The following NLRC4 variants were observed in gnomAD, a reference collection of about 807,000 sequenced individuals.
NLRC4 encodes the protein NLR family CARD domain containing 4.
Under a neutral mutation model 79.9 loss-of-function variants are expected in NLRC4, and 63 were observed. The ratio of observed to expected loss-of-function variants is 0.79; its 90% CI spans 0.64 to 0.97. The LOEUF (loss-of-function observed/expected upper bound fraction) is 0.97, where lower values mean the gene tolerates loss of function less well. NLRC4 is among the 50% of genes least tolerant of loss of function. The pLI, the probability that NLRC4 is intolerant of heterozygous loss-of-function variation, is 0.00. For synonymous variants in NLRC4, 461 were observed against 456.5 expected (o/e 1.01, Z -0.12); for missense variants, 1,074 against 1,215.2 (o/e 0.88, Z 1.73).
intron 8 of NLRC4, among the ~76,000 whole-genome samples, chr2:32,230,066 A>G (rs1686494230): frequency 6.6e-6 from 1 of 152,154 alleles, no homozygotes; most frequent in African/African-American, 2.4e-5. Context: ...AACAAGAGGC[A>G]CAGTCAATAA....
intron 2 of NLRC4, among the ~76,000 whole-genome samples, chr2:32,256,443 A>G (rs1471350517): frequency 6.6e-6 from 1 of 152,078 alleles, no homozygotes; most frequent in Admixed American, 6.6e-5. Flanking sequence ...AAGGAGCTAC[A>G]TTTTGGTTGC....
rs566871547 is a variant in NLRC4 at position 32,254,918 on chromosome 2, G to A, written c.1+1857C>T. The stretch of plus-strand genomic sequence containing the variant: ...CAGGCATGAGCCACCGCACCTGGCC[G>A]CTCCTGGCTTTCAAACCTGTGTTGA... On this transcript the variant is annotated intron_variant, in intron 2 of 8. Transcript: ENST00000402280. Among the ~76,000 whole-genome samples the A allele has an allele frequency of 4.6e-5, 7 of 151,716 alleles. No individual in the cohort carries two copies. The South Asian group carries it at 1.5e-3, about 32-fold the overall frequency.
intron 8 of NLRC4, among the ~76,000 whole-genome samples, chr2:32,228,676 A>G (rs1423373090): frequency 6.6e-6 from 1 of 152,194 alleles, no homozygotes; most frequent in African/African-American, 2.4e-5. Context: ...GCTTTTGGAA[A>G]ATAAAATATG....
intron 2 of NLRC4, among the ~76,000 whole-genome samples, chr2:32,252,946 A>G (rs940998915): frequency 3.3e-5 from 5 of 151,814 alleles, no homozygotes; most frequent in Admixed American, 3.3e-4. Flanking sequence ...TGAACCCAGG[A>G]GGCGGAGCTT....
chr2:32,250,944 G>T lies in NLRC4; in HGVS notation c.920C>A (p.Ala307Asp). Residue 307 changes from alanine to aspartate, a missense_variant, in exon 4 of 9, where the codon GCT becomes GAT. Coordinates refer to ENST00000402280, the MANE Select transcript of NLRC4 (RefSeq NM_001199138.2). This position sits in a 1 kb window ranked among gnomAD's most constrained non-coding sequence, Gnocchi z 4.9. ...CTTGATCAGCACTTCTCGGATGAGA[G>T]CCTGGGCGCTGTCTTCTGTCATATC... ...VGDMTEDSAQ[A>D]LIREVLIKEL... The T allele has an allele frequency of 6.2e-7, 1 of 1,614,034 alleles. No homozygotes were observed. The highest frequency in any genetic ancestry group is 1.7e-5 in the Admixed American group (1 of 60,028).
intron 8 of NLRC4, among the ~76,000 whole-genome samples, chr2:32,233,350 T>TATATA (rs1491211096): frequency 3.1e-3 from 76 of 24,398 alleles, no homozygotes; most frequent in African/African-American, 9.1e-3. Flanking sequence ...TATATATATA[T>TATATA]TTTTTTTTTT....
intron 8 of NLRC4, among the ~76,000 whole-genome samples, chr2:32,233,347 ATATTTTTT>A (rs1298834287): frequency 1.6e-3 from 71 of 45,620 alleles, no homozygotes; most frequent in African/African-American, 5.2e-3. Flanking sequence ...ATATATATAT[ATATTTTTT>A]TTTTTTTTTT....
In NLRC4 at chr2:32,224,720, T is replaced by C. The variant is rs2148927574; in HGVS notation, c.2828A>G (p.Asn943Ser). The change falls in exon 9 of 9, where the codon AAT (asparagine) becomes AGT (serine). Residue 943 changes from asparagine (N) to serine (S), a missense_variant. Coordinates refer to ENST00000402280, the MANE Select transcript of NLRC4 (RefSeq NM_001199138.2). Reference sequence around the variant, plus strand: ...ACTGCTCACACGATTTCCCGCCAAATTCAACTGCTGGAAGTTTTTCAGAGG... The same window carrying C: ...ACTGCTCACACGATTTCCCGCCAAACTCAACTGCTGGAAGTTTTTCAGAGG... ...KNPLKNFQQL[N>S]LAGNRVSSDG... 1 of 1,600,228 alleles carries C rather than the reference T, an allele frequency of 6.2e-7. No homozygotes were observed.
intron 4 of NLRC4, among the ~76,000 whole-genome samples, chr2:32,241,416 G>A (rs1369988259): frequency 1.9e-4 from 22 of 113,934 alleles, no homozygotes; most frequent in African/African-American, 6.2e-4. Context: ...TTGCTCTGTC[G>A]CCCAGGCTAG....
In NLRC4 at chr2:32,224,461, A is replaced by G; in HGVS notation, c.*12T>C. The G allele has an allele frequency of 6.4e-7, 1 of 1,569,628 alleles. No individual in the cohort carries two copies. The highest frequency in any genetic ancestry group is 8.6e-7 in the Non-Finnish European group (1 of 1,157,670). On this transcript the variant is annotated 3_prime_UTR_variant, in exon 9 of 9. Transcript: ENST00000402280. ...GGTCCCAGAGCACTTACTGGCTTCGAGTACACTTTATTTAAGCAGTTACTA... is the reference window on the plus strand; with the variant it reads ...GGTCCCAGAGCACTTACTGGCTTCGGGTACACTTTATTTAAGCAGTTACTA...
chr2:32,224,596 G>A lies in NLRC4; in HGVS notation c.2952C>T (p.Val984=). The A allele has an allele frequency of 6.2e-7, 1 of 1,613,884 alleles. No individual in the cohort carries two copies. The highest frequency in any genetic ancestry group is 8.5e-7 in the Non-Finnish European group (1 of 1,179,834). Residue 984 remains valine, a synonymous_variant, in exon 9 of 9, where the codon GTC becomes GTT. Coordinates refer to ENST00000402280, the MANE Select transcript of NLRC4 (RefSeq NM_001199138.2). ...TKEFLPDPAL[V]RKLSQVLSKL... ...TGGATAACACTTGGCTAAGTTTTCT[G>A]ACTAATGCTGGATCAGGTAGAAATT...
At chr2:32,231,128 C>T (rs1686522407) in intron 8 of NLRC4, among the ~76,000 whole-genome samples, 1 of 152,066 alleles carries the variant, frequency 6.6e-6, no homozygotes, top group South Asian at 2.1e-4. Flanking sequence ...GGGTTATTTG[C>T]ATTTTTTATC....
At chr2:32,236,367 A>T (rs368718209) in intron 6 of NLRC4, 28 bp from the exon 7 acceptor site, 3 of 1,364,442 alleles carry the variant, frequency 2.2e-6, no homozygotes, top group Non-Finnish European at 1.0e-6. Context: ...TCCAAAATAA[A>T]AAGATTTTCA....
intron 2 of NLRC4, among the ~76,000 whole-genome samples, chr2:32,254,495 ACCGTAC>A (rs1047102999): frequency 1.3e-5 from 2 of 151,612 alleles, no homozygotes; most frequent in Non-Finnish European, 2.9e-5. Context: ...CGTAGACCAC[ACCGTAC>A]CCAGGCACTG....
In NLRC4 at chr2:32,231,034, A is replaced by G. The variant is rs1285685001; in HGVS notation, c.2782+4367T>C. On this transcript the variant is annotated intron_variant, in intron 8 of 8. Transcript: ENST00000402280. ...ATTACCCTGATGGCTAATGATATTG[A>G]TTATGTTTTCTGCTATTTATTTTGC... 2.0e-5 allele frequency among the ~76,000 whole-genome samples: 3 copies of G among 152,152 alleles called. No individual in the cohort carries two copies. In the South Asian group the frequency reaches 6.2e-4, roughly 32 times the overall value.
intron 4 of NLRC4, among the ~76,000 whole-genome samples, chr2:32,244,501 A>G (rs1463059317): frequency 6.6e-6 from 1 of 152,180 alleles, no homozygotes; most frequent in East Asian, 1.9e-4. Flanking sequence ...AATTCATGTC[A>G]CTATTCAACA....
intron 6 of NLRC4, 80 bp downstream of exon 6, chr2:32,238,052 G>A (rs1686711875): frequency 5.3e-6 from 5 of 950,966 alleles, no homozygotes; most frequent in African/African-American, 1.7e-5. Context: ...TTCCATTTGA[G>A]ACATTTAGTG....
upstream of NLRC4, among the ~76,000 whole-genome samples, chr2:32,265,326 G>A (rs908001841): frequency 1.3e-5 from 2 of 151,868 alleles, no homozygotes; most frequent in African/African-American, 4.8e-5. Context: ...GACTACAGGC[G>A]TGCACCACCA....
At chr2:32,244,851 AG>A (rs1325618266) in intron 4 of NLRC4, among the ~76,000 whole-genome samples, 1 of 126,948 alleles carries the variant, frequency 7.9e-6, no homozygotes, top group African/African-American at 3.0e-5. Context: ...AGAGGGAGAG[AG>A]GGGGAGGGGG....
Sources: gnomAD v4.1 joint callset for allele counts (sites outside exome capture counted in the v4.1 genomes callset) on GRCh38, gnomAD v4.1.1 for gene constraint, Gnocchi (gnomAD v3.1) non-coding constraint, MANE v1.5 for transcripts, NCBI Gene and HGNC (gene_info 2026-07-23, HGNC 2026-07-21) for gene names.